DENND5A: variants seen among roughly 807,000 people sequenced by gnomAD.
The protein encoded by DENND5A is DENN domain-containing protein 5A.
In DENND5A, 64 loss-of-function variants were observed where a neutral mutation model predicts 140.3. The ratio of observed to expected loss-of-function variants is 0.46; its 90% CI spans 0.37 to 0.56. DENND5A has a LOEUF of 0.56. Among genes scored for constraint, DENND5A ranks in the 20% least tolerant of loss-of-function variants. The pLI is 0.00. For synonymous variants in DENND5A, 605 were observed against 607.7 expected, an observed-to-expected ratio of 1.00 and a Z score of 0.07; for missense variants, 1,292 against 1,593.8, an observed-to-expected ratio of 0.81 and a Z score of 3.22.
intron 1 of DENND5A, among the ~76,000 whole-genome samples, chr11:9,215,864 T>A (rs962791050): frequency 1.3e-5 from 2 of 152,088 alleles, no homozygotes; most frequent in African/African-American, 4.8e-5. Flanking sequence ...TTTTATATAA[T>A]TAATAAGTTA....
At chr11:9,173,824 G>C (rs1848453173) in intron 8 of DENND5A, among the ~76,000 whole-genome samples, 1 of 152,154 alleles carries the variant, frequency 6.6e-6, no homozygotes. Flanking sequence ...AAATTGAAAG[G>C]CCGGGTGCAG....
intron 13 of DENND5A, among the ~76,000 whole-genome samples, chr11:9,151,289 C>T (rs1198620355): frequency 1.3e-5 from 2 of 152,178 alleles, no homozygotes; most frequent in East Asian, 3.8e-4. Context: ...AGATATAATA[C>T]CTTTATATCC....
Position 9,265,228 on chromosome 11 carries a change from G to T in DENND5A, c.-159C>A. The T allele has an allele frequency of 3.6e-6, 1 of 276,212 alleles. No individual in the cohort carries two copies. Among genetic ancestry groups the T allele is most frequent in the South Asian group, 1.4e-4 (1 of 7,128 alleles). The allele number at this position is 276,212 out of a possible 1,614,324, so 17.1% of individuals were successfully genotyped here. The stretch of plus-strand genomic sequence containing the variant: ...CTGGCCCGGTCCCCTCGGCCGCCGC[G>T]GCTGCCGTGACGGGGCGGGGGGGCA... On this transcript the variant is annotated 5_prime_UTR_variant, in exon 1 of 23. Coordinates refer to ENST00000328194, the MANE Select transcript of DENND5A (RefSeq NM_015213.4). The surrounding 1 kb of genome is among the most constrained non-coding windows in gnomAD (Gnocchi z 4.7).
At chr11:9,150,509 T>C (rs1371432462) in intron 14 of DENND5A, among the ~76,000 whole-genome samples, 171 bp downstream of exon 14, 40 of 152,170 alleles carry the variant, frequency 2.6e-4, no homozygotes, top group Admixed American at 2.6e-3. Context: ...ACCCAACGGT[T>C]TGTACAGCTT....
At chr11:9,181,317 T>C (rs11042209) in intron 5 of DENND5A, among the ~76,000 whole-genome samples, 7,218 of 152,254 alleles carry the variant, frequency 0.047, 573 homozygotes, top group African/African-American at 0.16. Context: ...CTGATTCTAT[T>C]TCCTTAGCTG....
intron 11 of DENND5A, among the ~76,000 whole-genome samples, chr11:9,163,207 T>C (rs1024714199): frequency 6.6e-6 from 1 of 152,196 alleles, no homozygotes; most frequent in Non-Finnish European, 1.5e-5. Flanking sequence ...GTAAACTTCT[T>C]GTACATATCT....
chr11:9,185,290 A>C (rs2136183791), intron 5 of DENND5A, among the ~76,000 whole-genome samples: 1 of 152,274 alleles, frequency 6.6e-6, no homozygotes, highest in East Asian at 1.9e-4. Context: ...AGAAGTCAGA[A>C]AGGTATTTAT....
chr11:9,209,392 T>C (rs560980976), intron 1 of DENND5A, among the ~76,000 whole-genome samples: 8 of 152,182 alleles, frequency 5.3e-5, no homozygotes, highest in Non-Finnish European at 8.8e-5. Flanking sequence ...AAGGTGAGCA[T>C]GACCAGCTGA....
chr11:9,219,706 C>T (rs1850233886), intron 1 of DENND5A, among the ~76,000 whole-genome samples: 1 of 152,180 alleles, frequency 6.6e-6, no homozygotes, highest in African/African-American at 2.4e-5. Context: ...CTCAAATAAT[C>T]CAGATTGATG....
chr11:9,151,556 A>G (rs1847616440), intron 13 of DENND5A, among the ~76,000 whole-genome samples: 1 of 152,224 alleles, frequency 6.6e-6, no homozygotes, highest in Non-Finnish European at 1.5e-5. Flanking sequence ...GTTCATGCCC[A>G]TCTTTTTACC....
chr11:9,167,079 G>A (rs574992580), intron 10 of DENND5A, among the ~76,000 whole-genome samples: 2 of 152,224 alleles, frequency 1.3e-5, no homozygotes, highest in Non-Finnish European at 2.9e-5. Flanking sequence ...CAATTATTTT[G>A]TATAATGTGC....
chr11:9,250,176 C>T (rs1296106850), intron 1 of DENND5A, among the ~76,000 whole-genome samples: 2 of 151,822 alleles, frequency 1.3e-5, no homozygotes, highest in Non-Finnish European at 2.9e-5. Flanking sequence ...ATAGGCTACA[C>T]TGAGGGATTT....
intron 2 of DENND5A, chr11:9,207,211 G>T (rs1316938335): frequency 4.3e-6 from 2 of 468,806 alleles, no homozygotes; most frequent in South Asian, 3.7e-5. Context: ...AATGATCTCT[G>T]GGAAAAATAC....
chr11:9,182,426 C>A (rs1049385662), intron 5 of DENND5A, among the ~76,000 whole-genome samples: 2 of 152,218 alleles, frequency 1.3e-5, no homozygotes, highest in African/African-American at 4.8e-5. Flanking sequence ...AAAAGTCACA[C>A]AGCTATTAAC....
chr11:9,140,778 T>G (rs1183090147), intron 22 of DENND5A, among the ~76,000 whole-genome samples: 1 of 152,204 alleles, frequency 6.6e-6, no homozygotes, highest in African/African-American at 2.4e-5. Context: ...GTACACTTCA[T>G]TTTTGGACCC....
intron 5 of DENND5A, among the ~76,000 whole-genome samples, chr11:9,187,032 T>C (rs943581522): frequency 7.9e-5 from 12 of 152,092 alleles, no homozygotes; most frequent in African/African-American, 2.7e-4. Context: ...TGCAGTGAGC[T>C]GAGATGGCAC....
chr11:9,162,096 A>G (rs1334995081), intron 11 of DENND5A, among the ~76,000 whole-genome samples: 1 of 151,380 alleles, frequency 6.6e-6, no homozygotes, highest in African/African-American at 2.4e-5. Context: ...AATCACCCCA[A>G]TCCTACTTTT....
Position 9,144,236 on chromosome 11 carries a change from T to C in DENND5A, c.3165A>G (p.Gly1055=). 1 of 1,614,124 alleles carries C rather than the reference T, an allele frequency of 6.2e-7. No homozygotes were observed. Among genetic ancestry groups the C allele is most frequent in the Non-Finnish European group, 8.5e-7 (1 of 1,180,002 alleles). ...GRWLGKGMDD[G]SLERILVGEL... ...CCCCAACTAGGATCCGCTCCAGGCTTCCATCATCCATGCCCTTCCCTAACC... is the reference window on the plus strand; with the variant it reads ...CCCCAACTAGGATCCGCTCCAGGCTCCCATCATCCATGCCCTTCCCTAACC... The change falls in exon 19 of 23, where the codon GGA becomes GGG. Residue 1055 remains glycine (G), a synonymous_variant. Transcript: ENST00000328194.
chr11:9,184,738 C>A (rs1848850038), intron 5 of DENND5A, among the ~76,000 whole-genome samples: 1 of 152,170 alleles, frequency 6.6e-6, no homozygotes, highest in Admixed American at 6.5e-5. Flanking sequence ...TTACGCAATG[C>A]CTGTTCATAT....
Sources: allele counts gnomAD v4.1 joint callset (sites outside exome capture counted in the v4.1 genomes callset), GRCh38; gene constraint gnomAD v4.1.1; non-coding constraint Gnocchi (gnomAD v3.1); transcripts MANE v1.5; gene names NCBI Gene and HGNC (gene_info 2026-07-23, HGNC 2026-07-21).